Variants in ARID1A observed in about 807,000 individuals in gnomAD.
ARID1A encodes the protein AT-rich interaction domain 1A.
In ARID1A, 20 loss-of-function variants were observed where a neutral mutation model predicts 212.6. That is an observed-to-expected ratio of 0.09 (90% CI 0.07 to 0.14). The LOEUF is 0.14. ARID1A is among the 10% of genes least tolerant of loss of function. The pLI, the probability that ARID1A is intolerant of heterozygous loss-of-function variation, is 1.00. For synonymous variants in ARID1A, 1,376 were observed against 1,222.1 expected, an observed-to-expected ratio of 1.13 and a Z score of -2.63; for missense variants, 2,587 against 3,059.0, an observed-to-expected ratio of 0.85 and a Z score of 3.64.
At chr1:26,773,034 C>T (rs2124108658) in intron 14 of ARID1A, 47 bp downstream of exon 14, 1 of 1,573,508 alleles carries the variant, frequency 6.4e-7, no homozygotes, top group Non-Finnish European at 8.7e-7. Context: ...AAAGACAGGG[C>T]CAGTGAAATG....
At chr1:26,730,212 G>T (rs556258510) in intron 2 of ARID1A, among the ~76,000 whole-genome samples, 1 of 152,206 alleles carries the variant, frequency 6.6e-6, no homozygotes, top group Non-Finnish European at 1.5e-5. Context: ...CATATCATGT[G>T]CCCTGGTGAC....
chr1:26,776,910 C>T (rs1205614059), intron 19 of ARID1A, among the ~76,000 whole-genome samples: 1 of 152,058 alleles, frequency 6.6e-6, no homozygotes, highest in Non-Finnish European at 1.5e-5. Flanking sequence ...GATTCCTAAG[C>T]CTGATTTTAT....
intron 1 of ARID1A, among the ~76,000 whole-genome samples, chr1:26,698,347 C>T (rs2080299600): frequency 6.6e-6 from 1 of 152,192 alleles, no homozygotes; most frequent in Non-Finnish European, 1.5e-5. Context: ...TACAACAATC[C>T]TGATGAGCTC....
At chr1:26,700,369 G>A (rs964780883) in intron 1 of ARID1A, among the ~76,000 whole-genome samples, 3 of 152,168 alleles carry the variant, frequency 2.0e-5, no homozygotes, top group South Asian at 2.1e-4. Flanking sequence ...TTGACTCTGC[G>A]CTTATGAAAT....
chr1:26,724,079 AT>A (rs992803346), intron 1 of ARID1A, among the ~76,000 whole-genome samples: 39 of 152,198 alleles, frequency 2.6e-4, no homozygotes, highest in African/African-American at 8.2e-4. Context: ...CCAGGGATGC[AT>A]TTTTTTAATT....
In ARID1A at chr1:26,696,112, G is replaced by T. The variant is rs1048139757; in HGVS notation, c.-292G>T. The T allele has an allele frequency of 8.5e-6, 4 of 468,124 alleles. No individual in the cohort carries two copies. Among genetic ancestry groups the T allele is most frequent in the African/African-American group, 2.0e-5 (1 of 48,812 alleles). 29.0% of individuals were successfully genotyped at this position (468,124 alleles called of 1,614,324 possible). A position where few individuals can be genotyped will look rare whatever the true frequency, so the allele number is the denominator to read the frequency against. On this transcript the variant is annotated 5_prime_UTR_variant, in exon 1 of 20. Transcript: ENST00000324856. ...CCCCTCATTCCCAGGCAAGGGCTTG[G>T]GGGGAATGAGCCGGGAGAGCCGGGT...
chr1:26,757,053 CAA>C (rs1557605601), intron 4 of ARID1A, among the ~76,000 whole-genome samples: 1 of 151,826 alleles, frequency 6.6e-6, no homozygotes, highest in Non-Finnish European at 1.5e-5. Context: ...ACTTGTATAA[CAA>C]GACACAAAAA....
chr1:26,714,018 T>C (rs12756154), intron 1 of ARID1A, among the ~76,000 whole-genome samples: 9,062 of 152,310 alleles, frequency 0.059, 328 homozygotes, highest in Non-Finnish European at 0.08. Context: ...CAAACACATT[T>C]ACCAAAGGGA....
At chr1:26,737,489 C>A (rs1205258256) in intron 4 of ARID1A, among the ~76,000 whole-genome samples, 1 of 152,092 alleles carries the variant, frequency 6.6e-6, no homozygotes, top group African/African-American at 2.4e-5. Context: ...GCCCCCAGTA[C>A]CTATCATGTG....
Position 26,766,471 on chromosome 1 carries a change from C to G in ARID1A, c.2893C>G (p.Pro965Ala), listed in dbSNP as rs2081040619. The change falls in exon 10 of 20, where the codon CCA becomes GCA. Residue 965 changes from proline to alanine, a missense_variant. Pro to Ala is a conservative substitution (Grantham distance 27). This residue lies in a region of ARID1A where 674 missense variants were observed against 813.4 expected (regional missense o/e 0.83). Coordinates refer to ENST00000324856, the MANE Select transcript of ARID1A (RefSeq NM_006015.6). ...CTCTTTTACAGGGATGGCAGCCAGC[C>G]CAGAGATGATGGGCCTTGGGGATGT... ...ANNSAGMAAS[P>A]EMMGLGDVKL... 2 of 1,613,988 alleles carry G rather than the reference C, an allele frequency of 1.2e-6. No homozygotes were observed. The highest frequency in any genetic ancestry group is 1.7e-6 in the Non-Finnish European group (2 of 1,180,008).
chr1:26,735,035 G>C (rs142080213), intron 4 of ARID1A, among the ~76,000 whole-genome samples: 1 of 151,878 alleles, frequency 6.6e-6, no homozygotes, highest in African/African-American at 2.4e-5. Context: ...CAAGCCATTT[G>C]GGTGCTATTA....
chr1:26,765,955 T>G, intron 8 of ARID1A: 10 of 370,626 alleles, frequency 2.7e-5, no homozygotes, highest in East Asian at 4.6e-5. Context: ...GGAAGGCAGA[T>G]TGTTTGAGCT....
chr1:26,759,803 CAG>C (rs1455636546), intron 4 of ARID1A, among the ~76,000 whole-genome samples: 2 of 152,246 alleles, frequency 1.3e-5, no homozygotes, highest in East Asian at 1.9e-4. Flanking sequence ...GGGAAAAAAA[CAG>C]AATTTGTTCA....
chr1:26,715,675 T>A (rs2080495884), intron 1 of ARID1A, among the ~76,000 whole-genome samples: 1 of 152,188 alleles, frequency 6.6e-6, no homozygotes. Flanking sequence ...AAAGTTCACT[T>A]AATTGCCCAG....
At chr1:26,739,875 G>T (rs1243893385) in intron 4 of ARID1A, among the ~76,000 whole-genome samples, 1 of 151,550 alleles carries the variant, frequency 6.6e-6, no homozygotes, top group Admixed American at 6.6e-5. Flanking sequence ...TGTTTTTTCG[G>T]GTCCCTGTTA....
chr1:26,743,257 T>C (rs1227383164), intron 4 of ARID1A, among the ~76,000 whole-genome samples: 1 of 152,192 alleles, frequency 6.6e-6, no homozygotes, highest in Non-Finnish European at 1.5e-5. Context: ...TGTTTCTCTC[T>C]CTTTCTGTCA....
At chr1:26,711,114 CTTT>C (rs572779178) in intron 1 of ARID1A, among the ~76,000 whole-genome samples, 2 of 144,456 alleles carry the variant, frequency 1.4e-5, no homozygotes. Context: ...GTCTCTTGCT[CTTT>C]TTTTTTTTTG....
At chr1:26,775,538 C>G (rs767177808) in intron 18 of ARID1A, 39 bp from the exon 19 acceptor site, 1 of 1,611,890 alleles carries the variant, frequency 6.2e-7, no homozygotes, top group African/African-American at 1.3e-5. Flanking sequence ...TCCAGCCAAC[C>G]TGGGCTTGGT....
intron 1 of ARID1A, among the ~76,000 whole-genome samples, chr1:26,706,707 C>T (rs944333933): frequency 1.3e-5 from 2 of 152,184 alleles, no homozygotes; most frequent in African/African-American, 2.4e-5. Flanking sequence ...TTGTTGCTTT[C>T]TGTTGTCCTT....
Sources: allele counts gnomAD v4.1 joint callset (sites outside exome capture counted in the v4.1 genomes callset), GRCh38; gene constraint gnomAD v4.1.1; regional missense constraint gnomAD v4.1.1; transcripts MANE v1.5; gene names NCBI Gene and HGNC (gene_info 2026-07-23, HGNC 2026-07-21).